Variants in AGAP1 observed in about 807,000 individuals in gnomAD.
The protein encoded by AGAP1 is arf-GAP with GTPase, ANK repeat and PH domain-containing protein 1.
Under a neutral mutation model 105.3 loss-of-function variants are expected in AGAP1, and 29 were observed. The observed-to-expected ratio is 0.28, with a 90% CI of 0.21 to 0.38. The LOEUF is 0.38. AGAP1 is among the 10% of genes least tolerant of loss of function. AGAP1 has a pLI of 1.00. For missense variants in AGAP1, 998 were observed against 1,165.1 expected (o/e 0.86, Z 2.09); for synonymous variants, 509 against 485.9 (o/e 1.05, Z -0.63).
rs956796974 is a variant in AGAP1 at position 236,104,663 on chromosome 2, G to A, written c.2115-15529G>A. ...GCCAGCACTTTGGGAGGCCAAGGTG[G>A]GTGGATCACAAGGGCAGGAGGTCAA... On this transcript the variant is annotated intron_variant, in intron 16 of 17. Transcript: ENST00000304032. This position sits in a 1 kb window ranked among gnomAD's most constrained non-coding sequence, Gnocchi z 4.7. 1.3e-5 allele frequency among the ~76,000 whole-genome samples: 2 copies of A among 152,174 alleles called. No individual in the cohort carries two copies. Among genetic ancestry groups the A allele is most frequent in the African/African-American group, 4.8e-5 (2 of 41,452 alleles).
chr2:235,674,457 A>G (rs1948614647), intron 1 of AGAP1, among the ~76,000 whole-genome samples: 1 of 152,192 alleles, frequency 6.6e-6, no homozygotes, highest in Non-Finnish European at 1.5e-5. Flanking sequence ...CTGTGCTGTG[A>G]GTGAAGCCCA....
chr2:235,613,510 G>A (rs1268369875), intron 1 of AGAP1, among the ~76,000 whole-genome samples: 9 of 152,156 alleles, frequency 5.9e-5, no homozygotes, highest in Admixed American at 5.9e-4. Context: ...TGTGGATTCA[G>A]AAACCAACAG....
intron 16 of AGAP1, among the ~76,000 whole-genome samples, chr2:236,077,486 T>TCC (rs2058671300): frequency 1.3e-5 from 2 of 151,948 alleles, no homozygotes; most frequent in Non-Finnish European, 2.9e-5. Flanking sequence ...GGCCAGCTAA[T>TCC]TTTTGTATTT....
chr2:235,934,248 C>T lies in AGAP1; in HGVS notation c.1483+3325C>T, dbSNP rs901669798. ...AAGCCCTCTGGGATCACATGGCATGCTGAAGCTTGGGAACCACTGCTGTAA... is the reference window on the plus strand; with the variant it reads ...AAGCCCTCTGGGATCACATGGCATGTTGAAGCTTGGGAACCACTGCTGTAA... On this transcript the variant is annotated intron_variant, in intron 12 of 17. Transcript: ENST00000304032. The surrounding 1 kb of genome is among the most constrained non-coding windows in gnomAD (Gnocchi z 4.9). 2.6e-5 allele frequency among the ~76,000 whole-genome samples: 4 copies of T among 152,162 alleles called. No individual in the cohort carries two copies. Among genetic ancestry groups the T allele is most frequent in the African/African-American group, 9.7e-5 (4 of 41,434 alleles).
At chr2:235,672,038 A>G (rs1032696801) in intron 1 of AGAP1, among the ~76,000 whole-genome samples, 2 of 149,740 alleles carry the variant, frequency 1.3e-5, no homozygotes, top group South Asian at 2.1e-4. Context: ...GAGGCCATGC[A>G]TTTTTACCAC....
chr2:235,817,679 C>T (rs1958534976), intron 9 of AGAP1, among the ~76,000 whole-genome samples: 1 of 152,068 alleles, frequency 6.6e-6, no homozygotes, highest in South Asian at 2.1e-4. Flanking sequence ...TCAGTTGTGG[C>T]CAGGAGTTCA....
intron 12 of AGAP1, among the ~76,000 whole-genome samples, chr2:235,935,513 G>GT (rs2052946715): frequency 6.6e-6 from 1 of 152,172 alleles, no homozygotes; most frequent in Non-Finnish European, 1.5e-5. Flanking sequence ...GCAACCTCTT[G>GT]TGTAGATTCT....
intron 1 of AGAP1, among the ~76,000 whole-genome samples, chr2:235,500,373 G>C (rs1574692803): frequency 6.6e-6 from 1 of 152,236 alleles, no homozygotes; most frequent in Admixed American, 6.5e-5. Context: ...CTAGTTCTGT[G>C]GGTTTGGAGC....
chr2:236,127,157 CTG>C lies in AGAP1; in HGVS notation c.*3036_*3037del, dbSNP rs2060016368. Reference sequence around the variant, plus strand: ...ACCCCCGCGTTCAGCTTCGCGGAGACTGAACTTGGCGGGGAGTGGAGGGGTGT... The same window carrying C: ...ACCCCCGCGTTCAGCTTCGCGGAGACAACTTGGCGGGGAGTGGAGGGGTGT... On this transcript the variant is annotated 3_prime_UTR_variant, in exon 18 of 18. Coordinates refer to ENST00000304032, the MANE Select transcript of AGAP1 (RefSeq NM_001037131.3). This position sits in a 1 kb window ranked among gnomAD's most constrained non-coding sequence, Gnocchi z 6.6. The C allele has an allele frequency of 6.6e-6, 1 of 152,228 alleles. No individual in the cohort carries two copies. The highest frequency in any genetic ancestry group is 2.1e-4 in the South Asian group (1 of 4,830). 9.4% of individuals were successfully genotyped at this position (152,228 alleles called of 1,614,324 possible). A position where few individuals can be genotyped will look rare whatever the true frequency, so the allele number is the denominator to read the frequency against.
intron 9 of AGAP1, among the ~76,000 whole-genome samples, chr2:235,859,467 T>C (rs146597011): frequency 7.1e-6 from 1 of 140,278 alleles, no homozygotes; most frequent in East Asian, 2.2e-4. Context: ...CGACACACTA[T>C]TTTGGATCTG....
rs2056149440 is a variant in AGAP1 at position 236,002,184 on chromosome 2, G to A, written c.1645+33561G>A. Among the ~76,000 whole-genome samples the A allele has an allele frequency of 6.6e-6, 1 of 152,188 alleles. No homozygotes were observed. Among genetic ancestry groups the A allele is most frequent in the African/African-American group, 2.4e-5 (1 of 41,448 alleles). ...CATTTGTTACTGAGTCATTCATTCA[G>A]CAGACTCGTTGAGAACATGTGTGGT... On this transcript the variant is annotated intron_variant, in intron 13 of 17. Transcript: ENST00000304032. The surrounding 1 kb of genome is among the most constrained non-coding windows in gnomAD (Gnocchi z 4.3).
chr2:236,127,409 T>G lies in AGAP1; in HGVS notation c.*3287T>G, dbSNP rs1319597651. On this transcript the variant is annotated 3_prime_UTR_variant, in exon 18 of 18. Transcript: ENST00000304032. This position sits in a 1 kb window ranked among gnomAD's most constrained non-coding sequence, Gnocchi z 6.6. ...CAGGTGCAGTGTCCTGTCTCCCAAG[T>G]GTGTGCACAATGTATATATGCACTG... 1 of 152,170 alleles carries G rather than the reference T, an allele frequency of 6.6e-6. No homozygotes were observed. Among genetic ancestry groups the G allele is most frequent in the African/African-American group, 2.4e-5 (1 of 41,428 alleles). The allele number at this position is 152,170 out of a possible 1,614,324, so 9.4% of individuals were successfully genotyped here. A position where few individuals can be genotyped will look rare whatever the true frequency, so the allele number is the denominator to read the frequency against.
Position 235,934,899 on chromosome 2 carries a change from G to A in AGAP1, c.1483+3976G>A, listed in dbSNP as rs139764032. ...GGGATTCACTGTTTCTCCGCCCCCC[G>A]TCCACCCTAAATTAAGACTTTGGCT... On this transcript the variant is annotated intron_variant, in intron 12 of 17. Coordinates refer to ENST00000304032, the MANE Select transcript of AGAP1 (RefSeq NM_001037131.3). This position sits in a 1 kb window ranked among gnomAD's most constrained non-coding sequence, Gnocchi z 4.9. Among the ~76,000 whole-genome samples, 808 of 152,106 alleles carry A rather than the reference G, an allele frequency of 5.3e-3. 14 individuals carry two copies. The highest frequency in any genetic ancestry group is 0.018 in the African/African-American group (738 of 41,472).
In AGAP1 at chr2:236,085,918, T is replaced by G. The variant is rs550856714; in HGVS notation, c.2115-34274T>G. 5.3e-5 allele frequency among the ~76,000 whole-genome samples: 8 copies of G among 152,326 alleles called. No individual in the cohort carries two copies. In the South Asian group the frequency reaches 1.7e-3, roughly 32 times the overall value. Reference sequence around the variant, plus strand: ...CAAATTCCAGCGTCCAGGCCGTGGGTTCATCTGGCTGCCAGGCTGGGCTGA... The same window carrying G: ...CAAATTCCAGCGTCCAGGCCGTGGGGTCATCTGGCTGCCAGGCTGGGCTGA... On this transcript the variant is annotated intron_variant, in intron 16 of 17. Transcript: ENST00000304032.
chr2:235,672,774 A>C (rs927187454), intron 1 of AGAP1, among the ~76,000 whole-genome samples: 6 of 152,224 alleles, frequency 3.9e-5, no homozygotes, highest in Admixed American at 2.6e-4. Flanking sequence ...GAGAGAATGC[A>C]TTTCATTGTG....
In AGAP1 at chr2:235,988,580, T is replaced by C. The variant is rs1434549776; in HGVS notation, c.1645+19957T>C. On this transcript the variant is annotated intron_variant, in intron 13 of 17. Transcript: ENST00000304032. This position sits in a 1 kb window ranked among gnomAD's most constrained non-coding sequence, Gnocchi z 4.7. ...AAGGCATGCAGGCGTTTCTCCTTGT[T>C]TTAGTTCATCTGCAGAGGTCAGCTT... Among the ~76,000 whole-genome samples the C allele has an allele frequency of 1.1e-4, 16 of 152,164 alleles. No homozygotes were observed. The highest frequency in any genetic ancestry group is 3.9e-4 in the African/African-American group (16 of 41,448).
rs2149112670 is a variant in AGAP1 at position 235,549,938 on chromosome 2, A to G, written c.163+55089A>G. On this transcript the variant is annotated intron_variant, in intron 1 of 17. Transcript: ENST00000304032. The surrounding 1 kb of genome is among the most constrained non-coding windows in gnomAD (Gnocchi z 4.2). ...ACGTTTTCGGATGACCACAGGTGTG[A>G]AGCTGTCTTCAGTGGTGGGGGAACC... is the stretch of plus-strand genomic sequence containing the variant. Among the ~76,000 whole-genome samples, 1 of 152,276 alleles carries G rather than the reference A, an allele frequency of 6.6e-6. No homozygotes were observed. Among genetic ancestry groups the G allele is most frequent in the South Asian group, 2.1e-4 (1 of 4,824 alleles).
At chr2:235,730,923 C>A (rs144492524) in intron 3 of AGAP1, among the ~76,000 whole-genome samples, 1 of 152,118 alleles carries the variant, frequency 6.6e-6, no homozygotes, top group Non-Finnish European at 1.5e-5. Context: ...AGCCCCCAAC[C>A]GTTTTCTCCG....
At chr2:235,995,065 C>CAAAAAAAA (rs58097220) in intron 13 of AGAP1, among the ~76,000 whole-genome samples, 4 of 60,944 alleles carry the variant, frequency 6.6e-5, no homozygotes, top group East Asian at 6.5e-4. Context: ...GACTCTGTCT[C>CAAAAAAAA]AAAAAAAAAA....
Sources: allele counts gnomAD v4.1 joint callset (sites outside exome capture counted in the v4.1 genomes callset), GRCh38; gene constraint gnomAD v4.1.1; non-coding constraint Gnocchi (gnomAD v3.1); transcripts MANE v1.5; gene names NCBI Gene and HGNC (gene_info 2026-07-23, HGNC 2026-07-21).